INPP4B: variants seen among roughly 807,000 people sequenced by gnomAD.
INPP4B encodes inositol polyphosphate 4-phosphatase type II.
In INPP4B, 55 loss-of-function variants were observed where a neutral mutation model predicts 122.5. That is an observed-to-expected ratio of 0.45 (90% CI 0.36 to 0.56). The LOEUF is 0.56. INPP4B is among the 20% of genes least tolerant of loss of function. The pLI, the probability that INPP4B is intolerant of heterozygous loss-of-function variation, is 0.00. For synonymous variants in INPP4B, 403 were observed against 388.7 expected (o/e 1.04, Z -0.43); for missense variants, 1,000 against 1,097.7 (o/e 0.91, Z 1.26).
intron 2 of INPP4B, among the ~76,000 whole-genome samples, chr4:142,609,660 C>A (rs533766240): frequency 2.6e-4 from 39 of 152,282 alleles, no homozygotes; most frequent in African/African-American, 8.9e-4. Flanking sequence ...ATCTAAGATA[C>A]CATCTATAAA....
At chr4:142,214,069 A>T (rs1390309360) in intron 12 of INPP4B, among the ~76,000 whole-genome samples, 2 of 152,298 alleles carry the variant, frequency 1.3e-5, no homozygotes, top group East Asian at 1.9e-4. Context: ...ATGTAACAAT[A>T]CATTATTTCT....
chr4:142,321,577 CTTTGATCCATCTTGAGTCG>C (rs1435654882), intron 7 of INPP4B, among the ~76,000 whole-genome samples: 1 of 152,116 alleles, frequency 6.6e-6, no homozygotes, highest in Non-Finnish European at 1.5e-5. Flanking sequence ...AGATTTAAGT[CTTTGATCCATCTTGAGTCG>C]ATTTGTGTAT....
intron 12 of INPP4B, among the ~76,000 whole-genome samples, chr4:142,233,411 G>C (rs1398166417): frequency 6.6e-6 from 1 of 152,098 alleles, no homozygotes; most frequent in Admixed American, 6.6e-5. Context: ...GTAACATAAA[G>C]TTTCTCAGGC....
chr4:142,124,898 A>G, intron 18 of INPP4B, 138 bp from the exon 19 acceptor site: 2 of 672,900 alleles, frequency 3.0e-6, no homozygotes, highest in Middle Eastern at 9.0e-4. Context: ...TTAGAGCTGA[A>G]GATCTCTAAT....
intron 5 of INPP4B, among the ~76,000 whole-genome samples, chr4:142,410,843 A>G (rs529310299): frequency 1.3e-5 from 2 of 152,330 alleles, no homozygotes; most frequent in African/African-American, 4.8e-5. Context: ...GCATTAACAC[A>G]AAAAATGGAT....
intron 2 of INPP4B, among the ~76,000 whole-genome samples, chr4:142,503,403 TATA>T (rs1294507253): frequency 2.6e-5 from 4 of 152,046 alleles, no homozygotes; most frequent in African/African-American, 7.2e-5. Flanking sequence ...ATGAGAAAAA[TATA>T]ATAATTACAG....
At chr4:142,574,299 T>C in intron 2 of INPP4B, among the ~76,000 whole-genome samples, 1 of 152,076 alleles carries the variant, frequency 6.6e-6, no homozygotes, top group Middle Eastern at 3.2e-3. Context: ...TCAGCCTCCT[T>C]ATTCTGTTTC....
intron 25 of INPP4B, among the ~76,000 whole-genome samples, chr4:142,050,986 A>G (rs535140922): frequency 6.6e-6 from 1 of 152,166 alleles, no homozygotes; most frequent in South Asian, 2.1e-4. Context: ...AACATACATA[A>G]TGACTTCCAA....
chr4:142,489,785 T>C (rs936244457), intron 2 of INPP4B, among the ~76,000 whole-genome samples: 5 of 152,216 alleles, frequency 3.3e-5, no homozygotes, highest in African/African-American at 9.6e-5. Flanking sequence ...ATTCTTTCTT[T>C]GGTTGTGCCA....
At chr4:142,608,504 T>C (rs750411195) in intron 2 of INPP4B, among the ~76,000 whole-genome samples, 3 of 152,150 alleles carry the variant, frequency 2.0e-5, no homozygotes, top group Non-Finnish European at 4.4e-5. Flanking sequence ...CTTCCACCCA[T>C]TGCACTTGAA....
intron 11 of INPP4B, among the ~76,000 whole-genome samples, chr4:142,246,062 T>TACACACAC (rs1477619389): frequency 4.3e-3 from 48 of 11,134 alleles, no homozygotes; most frequent in African/African-American, 5.1e-3. Flanking sequence ...TATATATATG[T>TACACACAC]GTGTGTGTAT....
intron 2 of INPP4B, among the ~76,000 whole-genome samples, chr4:142,616,153 C>A (rs560005716): frequency 1.3e-5 from 2 of 152,216 alleles, no homozygotes; most frequent in African/African-American, 4.8e-5. Flanking sequence ...AGCCCCCCAA[C>A]CCTCACCCAA....
intron 2 of INPP4B, among the ~76,000 whole-genome samples, chr4:142,529,484 G>C (rs764186437): frequency 6.6e-5 from 10 of 151,888 alleles, no homozygotes; most frequent in Non-Finnish European, 1.5e-4. Flanking sequence ...ATCTAATCAT[G>C]ATTCTTCTCA....
intron 1 of INPP4B, among the ~76,000 whole-genome samples, chr4:142,726,373 A>G (rs923757130): frequency 6.6e-6 from 1 of 152,242 alleles, no homozygotes; most frequent in Non-Finnish European, 1.5e-5. Context: ...CTTTCCACAA[A>G]GTAATAAAAT....
intron 8 of INPP4B, among the ~76,000 whole-genome samples, chr4:142,311,293 T>C (rs1765424800): frequency 6.6e-6 from 1 of 152,168 alleles, no homozygotes; most frequent in Non-Finnish European, 1.5e-5. Context: ...AGTCAATGCA[T>C]GCTAAATTGT....
intron 7 of INPP4B, among the ~76,000 whole-genome samples, 181 bp downstream of exon 7, chr4:142,402,757 C>T (rs1802049444): frequency 6.6e-6 from 1 of 152,114 alleles, no homozygotes. Flanking sequence ...TTGCTCCTAA[C>T]CAATTGCCAA....
chr4:142,117,762 T>C (rs957813186), intron 21 of INPP4B, among the ~76,000 whole-genome samples: 3 of 152,120 alleles, frequency 2.0e-5, no homozygotes, highest in African/African-American at 7.2e-5. Context: ...ACCACTCCTA[T>C]TCAACACATA....
At chr4:142,609,130 C>T (rs1183567497) in intron 2 of INPP4B, among the ~76,000 whole-genome samples, 1 of 151,896 alleles carries the variant, frequency 6.6e-6, no homozygotes, top group African/African-American at 2.4e-5. Flanking sequence ...TGAGGTTTCT[C>T]TCTTCAGTTA....
intron 1 of INPP4B, among the ~76,000 whole-genome samples, chr4:142,803,649 T>TAAAAAAAAAAA (rs34262906): frequency 1.4e-5 from 2 of 138,936 alleles, no homozygotes; most frequent in Non-Finnish European, 3.1e-5. Flanking sequence ...CAATAAAACT[T>TAAAAAAAAAAA]AAAAAAAAAA....
Sources: gnomAD v4.1 joint callset for allele counts (sites outside exome capture counted in the v4.1 genomes callset) on GRCh38, gnomAD v4.1.1 for gene constraint, MANE v1.5 for transcripts, NCBI Gene and HGNC (gene_info 2026-07-23, HGNC 2026-07-21) for gene names.